The following PTPRM variants were observed in gnomAD, a reference collection of about 807,000 sequenced individuals.
PTPRM encodes the protein receptor-type tyrosine-protein phosphatase mu.
Under a neutral mutation model 186.7 loss-of-function variants are expected in PTPRM, and 47 were observed. The ratio of observed to expected loss-of-function variants is 0.25; its 90% confidence interval spans 0.20 to 0.32. The LOEUF is 0.32. Ranked by LOEUF, PTPRM falls within the 10% of genes least tolerant of loss-of-function variation. The pLI is 1.00. For synonymous variants in PTPRM, 668 were observed against 674.9 expected (o/e 0.99, Z 0.16); for missense variants, 1,494 against 1,865.0 (o/e 0.80, Z 3.66).
At chr18:7,941,467 C>T (rs368478090) in intron 5 of PTPRM, among the ~76,000 whole-genome samples, 1 of 152,216 alleles carries the variant, frequency 6.6e-6, no homozygotes, top group Non-Finnish European at 1.5e-5. Flanking sequence ...TCTGATTTTA[C>T]AGGGAAGCAT....
chr18:7,925,511 CTT>C (rs2051119291), intron 4 of PTPRM, among the ~76,000 whole-genome samples: 1 of 152,140 alleles, frequency 6.6e-6, no homozygotes, highest in African/African-American at 2.4e-5. Context: ...AGTTTGTAAT[CTT>C]TTGCTACCCA....
At chr18:7,746,962 C>T (rs1260969220) in intron 1 of PTPRM, among the ~76,000 whole-genome samples, 1 of 152,150 alleles carries the variant, frequency 6.6e-6, no homozygotes, top group Admixed American at 6.5e-5. Context: ...TCTGCTACTC[C>T]AGGGTTTCTC....
chr18:7,933,542 A>G (rs951372867), intron 5 of PTPRM, among the ~76,000 whole-genome samples: 2 of 152,180 alleles, frequency 1.3e-5, no homozygotes, highest in Non-Finnish European at 2.9e-5. Context: ...TGTATCTCCC[A>G]TGGAACAGGG....
intron 9 of PTPRM, among the ~76,000 whole-genome samples, chr18:8,077,267 A>G (rs987450113): frequency 6.6e-6 from 1 of 152,252 alleles, no homozygotes; most frequent in Admixed American, 6.5e-5. Context: ...ACAAAATTAT[A>G]TGTTGTAAAG....
chr18:7,578,548 G>A (rs2036756519), intron 1 of PTPRM, among the ~76,000 whole-genome samples: 1 of 151,924 alleles, frequency 6.6e-6, no homozygotes, highest in African/African-American at 2.4e-5. Context: ...TGTTAGCCAG[G>A]ATGGTCTCGA....
Position 8,252,858 on chromosome 18 carries a change from A to G in PTPRM, c.2566+359A>G, listed in dbSNP as rs1054108855. Among the ~76,000 whole-genome samples the G allele has an allele frequency of 2.6e-5, 4 of 152,268 alleles. No individual in the cohort carries two copies. The South Asian group carries it at 8.3e-4, about 32-fold the overall frequency. On this transcript the variant is annotated intron_variant, in intron 18 of 32. Coordinates refer to ENST00000580170, the MANE Select transcript of PTPRM (RefSeq NM_001105244.2). ...TTGTGCAGAGTTTATTTATGTCATC[A>G]TACGAACTACTGAACTAATGTTTCA...
chr18:7,939,402 C>T (rs2052026381), intron 5 of PTPRM, among the ~76,000 whole-genome samples: 2 of 152,308 alleles, frequency 1.3e-5, no homozygotes, highest in South Asian at 4.1e-4. Context: ...TATTGCAAAA[C>T]TATTTCTGAA....
chr18:7,996,895 A>G (rs1330953268), intron 7 of PTPRM, among the ~76,000 whole-genome samples: 1 of 152,152 alleles, frequency 6.6e-6, no homozygotes, highest in African/African-American at 2.4e-5. Context: ...GAAAACACCA[A>G]AAATGAAAAG....
rs560840540 is a variant in PTPRM, at chr18:8,082,096, G to A, written c.1552-3575G>A. 4.6e-5 allele frequency among the ~76,000 whole-genome samples: 7 copies of A among 152,124 alleles called. No homozygotes were observed. In the South Asian group the frequency reaches 1.0e-3, roughly 23 times the overall value. The stretch of plus-strand genomic sequence containing the variant: ...ACTTGTCTTGAGTGTTTACATGAGC[G>A]GATGCACACACCCGCTCTCCCCAGG... On this transcript the variant is annotated intron_variant, in intron 9 of 32. Coordinates refer to ENST00000580170, the MANE Select transcript of PTPRM (RefSeq NM_001105244.2).
At chr18:7,630,906 G>A (rs1258328197) in intron 1 of PTPRM, among the ~76,000 whole-genome samples, 1 of 152,148 alleles carries the variant, frequency 6.6e-6, no homozygotes, top group African/African-American at 2.4e-5. Context: ...GTAGTGTCAC[G>A]TGAGCCAGTG....
At chr18:7,985,585 G>A (rs894562360) in intron 7 of PTPRM, among the ~76,000 whole-genome samples, 14 of 149,474 alleles carry the variant, frequency 9.4e-5, no homozygotes, top group Admixed American at 1.3e-4. Context: ...ACATATACTG[G>A]TAGATACGTA....
chr18:7,580,377 A>T (rs1158598301), intron 1 of PTPRM, among the ~76,000 whole-genome samples: 1 of 152,184 alleles, frequency 6.6e-6, no homozygotes, highest in Non-Finnish European at 1.5e-5. Flanking sequence ...AGATGCTTTG[A>T]ACATTTGCCA....
intron 19 of PTPRM, among the ~76,000 whole-genome samples, chr18:8,278,302 A>G (rs1197068656): frequency 1.3e-5 from 2 of 152,262 alleles, no homozygotes; most frequent in Non-Finnish European, 2.9e-5. Flanking sequence ...TTTTTACAAC[A>G]GCTAATTTAA....
At chr18:7,747,599 G>A (rs1031342421) in intron 1 of PTPRM, 5 of 152,264 alleles carry the variant, frequency 3.3e-5, no homozygotes, top group African/African-American at 1.2e-4. Flanking sequence ...CTGTTCCTTG[G>A]CTTTGTAGGT....
intron 1 of PTPRM, among the ~76,000 whole-genome samples, chr18:7,688,493 A>T (rs2039659857): frequency 6.6e-6 from 1 of 152,320 alleles, no homozygotes; most frequent in African/African-American, 2.4e-5. Context: ...TGGAGGACTG[A>T]GGCTTCTACC....
chr18:8,299,515 A>G, intron 20 of PTPRM, among the ~76,000 whole-genome samples: 1 of 151,720 alleles, frequency 6.6e-6, no homozygotes, highest in African/African-American at 2.4e-5. Flanking sequence ...TGAACCTGGG[A>G]GATGGAGGTT....
rs183030403 is a variant in PTPRM, at chr18:7,937,399, C to T, written c.663+10716C>T. On this transcript the variant is annotated intron_variant, in intron 5 of 32. Coordinates refer to ENST00000580170, the MANE Select transcript of PTPRM (RefSeq NM_001105244.2). ...GCTTGCAGGGAGCTGGTGCCCATGC[C>T]GGCACCTGGAGCTGCCCATCCCACC... Among the ~76,000 whole-genome samples the T allele has an allele frequency of 4.2e-3, 641 of 152,284 alleles. 3 individuals carry two copies. The highest frequency in any genetic ancestry group is 6.8e-3 in the Middle Eastern group (2 of 294).
At chr18:8,240,984 A>C (rs1458206651) in intron 14 of PTPRM, among the ~76,000 whole-genome samples, 1 of 152,170 alleles carries the variant, frequency 6.6e-6, no homozygotes, top group Admixed American at 6.5e-5. Flanking sequence ...GCACTTTTAA[A>C]CTTTTTCAAA....
rs777354409 is a variant in PTPRM at position 8,347,616 on chromosome 18, G to A, written c.3054+4096G>A. On this transcript the variant is annotated intron_variant, in intron 23 of 32. Transcript: ENST00000580170. ...TTCCTTCCATCAGGCACCTGGACCC[G>A]TCACATCCAGGGTAGTCACTGGTGA... Among the ~76,000 whole-genome samples the A allele has an allele frequency of 3.3e-5, 5 of 152,276 alleles. No homozygotes were observed. In the East Asian group the frequency reaches 5.8e-4, roughly 18 times the overall value.
Sources: allele counts gnomAD v4.1 joint callset (sites outside exome capture counted in the v4.1 genomes callset), GRCh38; gene constraint gnomAD v4.1.1; transcripts MANE v1.5; gene names NCBI Gene and HGNC (gene_info 2026-07-23, HGNC 2026-07-21).